Variants in RGMA observed in about 807,000 individuals in gnomAD.
The protein encoded by RGMA is repulsive guidance molecule BMP co-receptor a, also known as repulsive guidance molecule A.
RGMA carries 10 observed loss-of-function variants against 23.2 expected under a neutral mutation model. The ratio of observed to expected loss-of-function variants is 0.43; its 90% CI spans 0.27 to 0.73. RGMA has a LOEUF of 0.73. Ranked by LOEUF, RGMA falls within the 30% of genes least tolerant of loss-of-function variation. RGMA has a pLI of 0.20. For synonymous variants in RGMA, 308 were observed against 279.3 expected, an observed-to-expected ratio of 1.10 and a Z score of -1.03; for missense variants, 547 against 630.5, an observed-to-expected ratio of 0.87 and a Z score of 1.42.
chr15:93,057,264 C>T (rs538219300), intron 2 of RGMA, among the ~76,000 whole-genome samples: 70 of 152,292 alleles, frequency 4.6e-4, no homozygotes, highest in Middle Eastern at 3.4e-3. Context: ...CTTTGTCCCC[C>T]TAAATGTGAT....
intron 1 of RGMA, among the ~76,000 whole-genome samples, chr15:93,084,185 T>C (rs1276807544): frequency 6.6e-6 from 1 of 152,170 alleles, no homozygotes; most frequent in Non-Finnish European, 1.5e-5. Flanking sequence ...GTGGCTATGT[T>C]CCTGTAAGGG....
chr15:93,063,462 C>G (rs1895037340), intron 2 of RGMA, among the ~76,000 whole-genome samples: 1 of 152,204 alleles, frequency 6.6e-6, no homozygotes, highest in Non-Finnish European at 1.5e-5. Context: ...CTGGCCAGAG[C>G]AGTATTCGGG....
At chr15:93,066,220 A>T in intron 2 of RGMA, 1 of 1,409,308 alleles carries the variant, frequency 7.1e-7, no homozygotes, top group South Asian at 1.2e-5. Flanking sequence ...CTCATCTCCA[A>T]CGCTGCGCAG....
At chr15:93,061,532 A>C (rs1276985602) in intron 2 of RGMA, among the ~76,000 whole-genome samples, 1 of 152,168 alleles carries the variant, frequency 6.6e-6, no homozygotes, top group Non-Finnish European at 1.5e-5. Flanking sequence ...AACTCACATA[A>C]ATGTATGTAG....
At chr15:93,070,516 C>A (rs1481383001) in intron 2 of RGMA, among the ~76,000 whole-genome samples, 1 of 152,224 alleles carries the variant, frequency 6.6e-6, no homozygotes. Flanking sequence ...TCCTAAGCGG[C>A]CCCTCTCCTG....
At chr15:93,073,712 A>G (rs752490630) in intron 1 of RGMA, 3 of 1,537,178 alleles carry the variant, frequency 2.0e-6, no homozygotes, top group Non-Finnish European at 2.6e-6. Flanking sequence ...CTCAGCTACT[A>G]ACGCACCTCG....
intron 2 of RGMA, among the ~76,000 whole-genome samples, chr15:93,062,397 T>C (rs1170631387): frequency 2.0e-5 from 3 of 152,158 alleles, no homozygotes; most frequent in Non-Finnish European, 4.4e-5. Context: ...ATCAGGGAAG[T>C]AGCATTTCAA....
intron 1 of RGMA, among the ~76,000 whole-genome samples, chr15:93,085,809 T>C (rs957070162): frequency 5.3e-5 from 8 of 152,226 alleles, no homozygotes; most frequent in African/African-American, 1.7e-4. Context: ...GGTTCTAACA[T>C]GATACAGCAC....
chr15:93,045,063 G>A lies in RGMA; in HGVS notation c.1288C>T (p.Leu430=). The change falls in exon 4 of 4, where the codon CTG becomes TTG. Residue 430 remains leucine (L), a synonymous_variant. Transcript: ENST00000329082. The surrounding 1 kb of genome is among the most constrained non-coding windows in gnomAD (Gnocchi z 6.9). The part of the protein sequence containing the change: ...LPGRAAAGLP[L]APRPLLGALV... ...GCGCCCAGGAGGGGCCGGGGGGCCAGGGGCAGCCCCGCAGCCGCCCTGCCT... is the reference window on the plus strand; with the variant it reads ...GCGCCCAGGAGGGGCCGGGGGGCCAAGGGCAGCCCCGCAGCCGCCCTGCCT... 1 of 1,574,064 alleles carries A rather than the reference G, an allele frequency of 6.4e-7. No homozygotes were observed. Among genetic ancestry groups the A allele is most frequent in the Non-Finnish European group, 8.6e-7 (1 of 1,159,910 alleles).
chr15:93,052,453 G>A lies in RGMA; in HGVS notation c.185C>T (p.Ser62Leu), dbSNP rs780595657. The A allele has an allele frequency of 1.3e-6, 2 of 1,591,000 alleles. No homozygotes were observed. Among genetic ancestry groups the A allele is most frequent in the South Asian group, 1.1e-5 (1 of 90,558 alleles). Reference protein sequence around the residue: ...KCNSEFWSATSGSHAPASDDT... With the variant: ...KCNSEFWSATLGSHAPASDDT... ...GTCTGAGGCTGGGGCGTGGCTGCCC[G>A]ACGTGGCGCTCCAGAACTCAGAGTT... Residue 62 changes from serine (S) to leucine (L), a missense_variant, in exon 3 of 4, where the codon TCG becomes TTG. Transcript: ENST00000329082.
At chr15:93,078,658 C>T (rs902264881) in intron 1 of RGMA, among the ~76,000 whole-genome samples, 4 of 152,172 alleles carry the variant, frequency 2.6e-5, no homozygotes, top group Non-Finnish European at 4.4e-5. Flanking sequence ...CAAAGCAGCC[C>T]GGCCTCTTGC....
At position 93,036,549 on chromosome 15, in the gene RGMA, C is replaced by G. The variant is rs1281015752; in HGVS notation, c.*8449G>C. 1 of 152,466 alleles carries G rather than the reference C, an allele frequency of 6.6e-6. No individual in the cohort carries two copies. Among genetic ancestry groups the G allele is most frequent in the Non-Finnish European group, 1.5e-5 (1 of 68,232 alleles). 9.4% of individuals were successfully genotyped at this position (152,466 alleles called of 1,614,324 possible). On this transcript the variant is annotated 3_prime_UTR_variant, in exon 4 of 4. Transcript: ENST00000329082. Reference sequence around the variant, plus strand: ...AGGGCCACTCAGCGGCCCTGCTCATCAAACCGCTCTGATGGAGCCTGCCTG... The same window carrying G: ...AGGGCCACTCAGCGGCCCTGCTCATGAAACCGCTCTGATGGAGCCTGCCTG...
At position 93,052,285 on chromosome 15, in the gene RGMA, T is replaced by A. The variant is rs200368034; in HGVS notation, c.353A>T (p.Asp118Val). 6.2e-6 allele frequency: 10 copies of A among 1,602,814 alleles called. No homozygotes were observed. The East Asian group carries it at 2.0e-4, about 32-fold the overall frequency. ...CAGGCGTGGCTGCGAGGTGGGGCCA[T>A]CCTTGGAGCAGTTGTGCTGGCTCAT... ...DLMSQHNCSK[D>V]GPTSQPRLRT... Residue 118 changes from aspartate (D) to valine (V), a missense_variant, in exon 3 of 4, where the codon GAT becomes GTT. Physicochemically the swap from Asp to Val is radical, Grantham distance 152 (BLOSUM62 -3). Transcript: ENST00000329082.
At chr15:93,053,719 T>C (rs1567183078) in intron 2 of RGMA, among the ~76,000 whole-genome samples, 1 of 152,186 alleles carries the variant, frequency 6.6e-6, no homozygotes, top group East Asian at 1.9e-4. Flanking sequence ...CTCCCGCCTC[T>C]GCAGGTGGGT....
intron 1 of RGMA, among the ~76,000 whole-genome samples, chr15:93,077,175 G>C (rs1474892280): frequency 2.0e-5 from 3 of 152,200 alleles, no homozygotes; most frequent in Non-Finnish European, 2.9e-5. Context: ...TGGAGAAACA[G>C]AGCAAAGAGC....
At chr15:93,088,863 G>C (rs1037863618) in intron 1 of RGMA, 56 bp downstream of exon 1, 5 of 1,466,398 alleles carry the variant, frequency 3.4e-6, no homozygotes, top group South Asian at 1.2e-5. Flanking sequence ...GGCATGTGTC[G>C]GCGGCGCCTC....
chr15:93,045,134 G>A lies in RGMA; in HGVS notation c.1217C>T (p.Ser406Phe), dbSNP rs753227586. 4.4e-6 allele frequency: 7 copies of A among 1,599,104 alleles called. No homozygotes were observed. Among genetic ancestry groups the A allele is most frequent in the African/African-American group, 1.3e-5 (1 of 74,794 alleles). ...ATACAGGTGCAGTTTGTCTTTGTTGGAGTGGAGCATCTTGACATCCTCCAA... is the reference window on the plus strand; with the variant it reads ...ATACAGGTGCAGTTTGTCTTTGTTGAAGTGGAGCATCTTGACATCCTCCAA... Reference protein sequence around the residue: ...YALEDVKMLHSNKDKLHLYER... With the variant: ...YALEDVKMLHFNKDKLHLYER... Residue 406 changes from serine to phenylalanine, a missense_variant, in exon 4 of 4, where the codon TCC becomes TTC. Ser to Phe is a radical substitution (Grantham distance 155). Around this residue, in one of 3 missense-constraint regions of RGMA, gnomAD observed 205 missense variants for 204.1 expected, o/e 1.00. Transcript: ENST00000329082. This position sits in a 1 kb window ranked among gnomAD's most constrained non-coding sequence, Gnocchi z 6.9.
In RGMA at chr15:93,037,440, G is replaced by A. The variant is rs954589812; in HGVS notation, c.*7558C>T. 3.9e-5 allele frequency: 6 copies of A among 152,316 alleles called. No homozygotes were observed. Among genetic ancestry groups the A allele is most frequent in the Admixed American group, 6.5e-5 (1 of 15,294 alleles). 9.4% of individuals were successfully genotyped at this position (152,316 alleles called of 1,614,324 possible). ...AGGCCAGGGCGTGGCGGGGTAGGGT[G>A]GGGCTGGTCCAGTGGACAGAGCTCT... On this transcript the variant is annotated 3_prime_UTR_variant, in exon 4 of 4. Coordinates refer to ENST00000329082, the MANE Select transcript of RGMA (RefSeq NM_020211.3). The surrounding 1 kb of genome is among the most constrained non-coding windows in gnomAD (Gnocchi z 4.3).
chr15:93,065,640 G>A (rs1895118226), intron 2 of RGMA: 3 of 921,758 alleles, frequency 3.3e-6, no homozygotes, highest in Admixed American at 1.8e-5. Context: ...GAGGTCTCAG[G>A]GGCTGCGGGC....
Sources: allele counts gnomAD v4.1 joint callset (sites outside exome capture counted in the v4.1 genomes callset), GRCh38; gene constraint gnomAD v4.1.1; regional missense constraint gnomAD v4.1.1; non-coding constraint Gnocchi (gnomAD v3.1); transcripts MANE v1.5; gene names NCBI Gene and HGNC (gene_info 2026-07-23, HGNC 2026-07-21).